SLC9C1: variants seen among roughly 807,000 people sequenced by gnomAD.
The protein encoded by SLC9C1 is sodium/hydrogen exchanger 10.
Under a neutral mutation model 140.9 loss-of-function variants are expected in SLC9C1, and 97 were observed. The ratio of observed to expected loss-of-function variants is 0.69; its 90% CI spans 0.58 to 0.82. The LOEUF (loss-of-function observed/expected upper bound fraction) is 0.82. SLC9C1 is among the 40% of genes least tolerant of loss of function. The pLI is 0.00. For missense variants in SLC9C1, 1,340 were observed against 1,389.3 expected (o/e 0.96, Z 0.56); for synonymous variants, 440 against 442.6 (o/e 0.99, Z 0.07).
At chr3:112,260,162 A>C (rs906055221) in intron 10 of SLC9C1, among the ~76,000 whole-genome samples, 1 of 152,108 alleles carries the variant, frequency 6.6e-6, no homozygotes, top group African/African-American at 2.4e-5. Context: ...TTTTTGCTTC[A>C]TATATTTTCT....
At chr3:112,191,602 T>G (rs1218456339) in intron 20 of SLC9C1, among the ~76,000 whole-genome samples, 1 of 152,126 alleles carries the variant, frequency 6.6e-6, no homozygotes, top group East Asian at 1.9e-4. Flanking sequence ...TTTGTTAATA[T>G]TTTGTTGAGA....
chr3:112,256,813 C>T (rs375306753), intron 10 of SLC9C1, among the ~76,000 whole-genome samples: 1 of 152,056 alleles, frequency 6.6e-6, no homozygotes, highest in Non-Finnish European at 1.5e-5. Flanking sequence ...ATCTAGAAAA[C>T]CCCATAGTTG....
intron 12 of SLC9C1, among the ~76,000 whole-genome samples, chr3:112,235,111 A>G (rs898267026): frequency 3.5e-5 from 5 of 141,370 alleles, no homozygotes; most frequent in Admixed American, 7.4e-5. Context: ...ATCCATGAGC[A>G]TGGAATGTTC....
At chr3:112,293,766 G>A (rs1019996925) in intron 1 of SLC9C1, among the ~76,000 whole-genome samples, 57 of 152,170 alleles carry the variant, frequency 3.7e-4, no homozygotes, top group African/African-American at 1.4e-3. Context: ...GAACCAGTGA[G>A]CTTTCCCCTA....
At chr3:112,167,985 G>C (rs1302972098) in intron 25 of SLC9C1, among the ~76,000 whole-genome samples, 1 of 152,100 alleles carries the variant, frequency 6.6e-6, no homozygotes, top group African/African-American at 2.4e-5. Context: ...TGTCCACTTA[G>C]AAAATTTTCT....
At chr3:112,272,991 T>A (rs911106652) in intron 6 of SLC9C1, among the ~76,000 whole-genome samples, 5 of 152,142 alleles carry the variant, frequency 3.3e-5, no homozygotes, top group African/African-American at 1.2e-4. Flanking sequence ...GCAGATGTCA[T>A]TTCTGATATA....
intron 6 of SLC9C1, among the ~76,000 whole-genome samples, chr3:112,270,346 T>A (rs1276712901): frequency 6.6e-6 from 1 of 152,198 alleles, no homozygotes. Flanking sequence ...CTTTACTAAT[T>A]TACATTCCCA....
At chr3:112,185,652 T>A in intron 20 of SLC9C1, 1 of 1,562,158 alleles carries the variant, frequency 6.4e-7, no homozygotes, top group Non-Finnish European at 8.7e-7. Context: ...TCCTTGGCGG[T>A]CCAGTGAGTG....
chr3:112,221,324 AT>A, intron 13 of SLC9C1, 99 bp from the exon 14 acceptor site: 1 of 942,974 alleles, frequency 1.1e-6, no homozygotes, highest in East Asian at 2.6e-5. Flanking sequence ...AGTAAAAACA[AT>A]CAATCTAGTC....
chr3:112,281,225 G>T (rs114160527), intron 2 of SLC9C1, among the ~76,000 whole-genome samples: 2 of 152,148 alleles, frequency 1.3e-5, no homozygotes, highest in Non-Finnish European at 2.9e-5. Flanking sequence ...GCTGCAACTG[G>T]TTCATTTTCC....
At chr3:112,242,091 C>A (rs1321863494) in intron 11 of SLC9C1, among the ~76,000 whole-genome samples, 2 of 152,080 alleles carry the variant, frequency 1.3e-5, no homozygotes, top group African/African-American at 4.8e-5. Context: ...CAAAAATTGA[C>A]AAGCAACACC....
intron 10 of SLC9C1, among the ~76,000 whole-genome samples, chr3:112,251,271 C>T (rs1259047667): frequency 6.6e-6 from 1 of 152,094 alleles, no homozygotes; most frequent in Non-Finnish European, 1.5e-5. Flanking sequence ...AGGAGTGACA[C>T]AGAGTCAGGG....
chr3:112,183,032 A>G (rs1249456512), intron 20 of SLC9C1, among the ~76,000 whole-genome samples: 1 of 152,166 alleles, frequency 6.6e-6, no homozygotes, highest in Non-Finnish European at 1.5e-5. Context: ...AGATTGCTTC[A>G]TTTGGGGTTT....
chr3:112,200,684 A>G (rs1220667517), intron 19 of SLC9C1, 27 bp downstream of exon 19: 1 of 1,596,886 alleles, frequency 6.3e-7, no homozygotes, highest in Admixed American at 1.7e-5. Flanking sequence ...AGAGATGGTC[A>G]TGCTAAATAG....
intron 17 of SLC9C1, among the ~76,000 whole-genome samples, chr3:112,202,980 T>C (rs1576330819): frequency 6.6e-6 from 1 of 152,034 alleles, no homozygotes; most frequent in African/African-American, 2.4e-5. Context: ...CTCCATACTC[T>C]ACCCTGCAAC....
At position 112,141,181 on chromosome 3, in the gene SLC9C1, T is replaced by C; in HGVS notation, c.*91A>G. ...ATCCACACAGGATCCAACCTGAAGT[T>C]ACTCCTTCTTGATGTAGGGAAGTGT... On this transcript the variant is annotated 3_prime_UTR_variant, in exon 29 of 29. Transcript: ENST00000305815. The C allele has an allele frequency of 7.5e-7, 1 of 1,332,920 alleles. No homozygotes were observed. The highest frequency in any genetic ancestry group is 1.0e-6 in the Non-Finnish European group (1 of 1,002,176). 82.6% of individuals were successfully genotyped at this position (1,332,920 alleles called of 1,614,324 possible).
intron 1 of SLC9C1, among the ~76,000 whole-genome samples, chr3:112,292,761 T>C (rs1341601648): frequency 6.6e-6 from 1 of 151,656 alleles, no homozygotes; most frequent in Non-Finnish European, 1.5e-5. Context: ...GCCAGGATGG[T>C]CTCGATCTCC....
intron 15 of SLC9C1, among the ~76,000 whole-genome samples, chr3:112,214,276 C>A (rs928767193): frequency 5.3e-5 from 8 of 152,114 alleles, no homozygotes; most frequent in Non-Finnish European, 8.8e-5. Context: ...ATAATTGACA[C>A]CCTAACATCA....
intron 10 of SLC9C1, among the ~76,000 whole-genome samples, chr3:112,260,143 G>A (rs1011854616): frequency 6.6e-6 from 1 of 151,864 alleles, no homozygotes; most frequent in African/African-American, 2.4e-5. Flanking sequence ...CTCCCTTTAG[G>A]TTTATCAGTT....
Sources: allele counts gnomAD v4.1 joint callset (sites outside exome capture counted in the v4.1 genomes callset), GRCh38; gene constraint gnomAD v4.1.1; transcripts MANE v1.5; gene names NCBI Gene and HGNC (gene_info 2026-07-23, HGNC 2026-07-21).